The following RBFOX1 variants were observed in gnomAD, a reference collection of about 807,000 sequenced individuals.
RBFOX1 encodes the protein RNA binding protein fox-1 homolog 1.
A neutral mutation model predicts 57.7 loss-of-function variants in RBFOX1; 8 were observed. The ratio of observed to expected loss-of-function variants is 0.14; its 90% CI spans 0.08 to 0.25. The LOEUF (loss-of-function observed/expected upper bound fraction) is 0.25. Ranked by LOEUF, RBFOX1 falls within the 10% of genes least tolerant of loss-of-function variation. The probability of loss-of-function intolerance (pLI) is 1.00; values close to 1 mark genes in which losing one functional copy is unlikely to be tolerated. For synonymous variants in RBFOX1, 326 were observed against 222.4 expected, an observed-to-expected ratio of 1.47 and a Z score of -4.15; for missense variants, 611 against 548.5, an observed-to-expected ratio of 1.11 and a Z score of -1.14.
At chr16:5,748,878 T>C (rs1003435818) in intron 3 of RBFOX1, among the ~76,000 whole-genome samples, 5 of 152,184 alleles carry the variant, frequency 3.3e-5, no homozygotes, top group Non-Finnish European at 7.4e-5. Context: ...ACATTTAAGG[T>C]TAATATTGTT....
At chr16:5,880,386 T>C (rs938397138) in intron 4 of RBFOX1, among the ~76,000 whole-genome samples, 1 of 152,166 alleles carries the variant, frequency 6.6e-6, no homozygotes, top group African/African-American at 2.4e-5. Flanking sequence ...AGAACACCCA[T>C]GAAGACCCAG....
intron 3 of RBFOX1, among the ~76,000 whole-genome samples, chr16:5,832,404 A>C (rs762206795): frequency 6.6e-6 from 1 of 152,228 alleles, no homozygotes; most frequent in Non-Finnish European, 1.5e-5. Context: ...GCCACTTCCT[A>C]GCTGTGTGAT....
At chr16:6,216,334 T>C (rs1305031207) in intron 1 of RBFOX1, among the ~76,000 whole-genome samples, 1 of 152,086 alleles carries the variant, frequency 6.6e-6, no homozygotes, top group Non-Finnish European at 1.5e-5. Flanking sequence ...ACAGAGGTGA[T>C]TTCTTTTATT....
At chr16:6,208,694 T>C (rs1413541411) in intron 1 of RBFOX1, among the ~76,000 whole-genome samples, 1 of 152,216 alleles carries the variant, frequency 6.6e-6, no homozygotes, top group Non-Finnish European at 1.5e-5. Context: ...GGCCACTGCT[T>C]TAAAGAGTCA....
intron 3 of RBFOX1, among the ~76,000 whole-genome samples, chr16:5,658,774 GTATATATGTA>G (rs1241632181): frequency 7.4e-5 from 10 of 134,586 alleles, no homozygotes; most frequent in African/African-American, 3.4e-4. Context: ...ATGTATATAT[GTATATATGTA>G]TATATATAAT....
At chr16:6,858,131 A>C (rs772170336) in intron 3 of RBFOX1, among the ~76,000 whole-genome samples, 83 of 152,340 alleles carry the variant, frequency 5.4e-4, no homozygotes, top group Non-Finnish European at 9.8e-4. Context: ...ATTAAAATAC[A>C]GTTATTAACG....
chr16:5,353,651 A>G (rs2065314518), intron 1 of RBFOX1, among the ~76,000 whole-genome samples: 1 of 151,874 alleles, frequency 6.6e-6, no homozygotes, highest in African/African-American at 2.4e-5. Flanking sequence ...TAAGGGAGAC[A>G]TATTTTAAAG....
At chr16:6,371,144 A>C (rs1447396913) in intron 2 of RBFOX1, among the ~76,000 whole-genome samples, 1 of 152,326 alleles carries the variant, frequency 6.6e-6, no homozygotes, top group African/African-American at 2.4e-5. Flanking sequence ...AGATATCTCC[A>C]GTAAAAACTT....
intron 1 of RBFOX1, chr16:6,039,057 A>C (rs2095407410): frequency 6.6e-6 from 1 of 151,400 alleles, no homozygotes. Flanking sequence ...AAAATGCTGA[A>C]TCCCGCAGAA....
chr16:6,692,881 C>G (rs896077652), intron 3 of RBFOX1, among the ~76,000 whole-genome samples: 34 of 151,764 alleles, frequency 2.2e-4, no homozygotes, highest in African/African-American at 8.2e-4. Context: ...TCATCCATTA[C>G]TATCACCACC....
chr16:7,681,485 A>C (rs1428265080), intron 14 of RBFOX1, among the ~76,000 whole-genome samples: 1 of 152,180 alleles, frequency 6.6e-6, no homozygotes, highest in Non-Finnish European at 1.5e-5. Context: ...CCTCAGATTA[A>C]GTAGTAGAGA....
At chr16:7,656,745 T>C (rs983403854) in intron 12 of RBFOX1, among the ~76,000 whole-genome samples, 1 of 152,112 alleles carries the variant, frequency 6.6e-6, no homozygotes, top group East Asian at 1.9e-4. Flanking sequence ...AGGTATTTCT[T>C]CTGGTTGGGG....
intron 3 of RBFOX1, among the ~76,000 whole-genome samples, chr16:6,850,894 A>G (rs2094023595): frequency 6.6e-6 from 1 of 152,216 alleles, no homozygotes; most frequent in African/African-American, 2.4e-5. Flanking sequence ...AGTAAAATGA[A>G]AACACATCCA....
intron 3 of RBFOX1, among the ~76,000 whole-genome samples, chr16:6,776,427 CAAAA>C (rs1206202749): frequency 9.9e-6 from 1 of 101,454 alleles, no homozygotes; most frequent in Non-Finnish European, 2.3e-5. Context: ...AAACAAAAAA[CAAAA>C]AACAAACAAA....
intron 4 of RBFOX1, among the ~76,000 whole-genome samples, chr16:7,150,096 C>G (rs1043377733): frequency 2.0e-5 from 3 of 152,318 alleles, no homozygotes; most frequent in East Asian, 1.9e-4. Flanking sequence ...TCTTCCCTCT[C>G]TCTTTCCTTG....
intron 4 of RBFOX1, among the ~76,000 whole-genome samples, chr16:7,066,604 A>G (rs1386840624): frequency 2.0e-5 from 3 of 152,314 alleles, no homozygotes; most frequent in Middle Eastern, 3.4e-3. Context: ...TGACTCATAA[A>G]GCGGGGGGTG....
intron 4 of RBFOX1, among the ~76,000 whole-genome samples, chr16:7,088,254 G>T (rs932323738): frequency 3.3e-5 from 5 of 152,186 alleles, no homozygotes; most frequent in African/African-American, 1.2e-4. Flanking sequence ...TACATCACTT[G>T]TAGCTGTGAG....
intron 1 of RBFOX1, among the ~76,000 whole-genome samples, chr16:5,386,602 C>G (rs1373563281): frequency 1.3e-5 from 2 of 152,166 alleles, no homozygotes; most frequent in Non-Finnish European, 2.9e-5. Flanking sequence ...CTTGTGTGAC[C>G]TTACCCTTGT....
chr16:6,257,848 A>T (rs1433728476), intron 1 of RBFOX1, among the ~76,000 whole-genome samples: 9 of 152,020 alleles, frequency 5.9e-5, no homozygotes, highest in Admixed American at 5.9e-4. Context: ...GGTTGTTTCC[A>T]TGTCTTTTCT....
Sources: gnomAD v4.1 joint callset for allele counts (sites outside exome capture counted in the v4.1 genomes callset) on GRCh38, gnomAD v4.1.1 for gene constraint, MANE v1.5 for transcripts, NCBI Gene and HGNC (gene_info 2026-07-23, HGNC 2026-07-21) for gene names.